JAKMIP1: variants seen among roughly 807,000 people sequenced by gnomAD.
The protein encoded by JAKMIP1 is janus kinase and microtubule-interacting protein 1.
Under a neutral mutation model 113.0 loss-of-function variants are expected in JAKMIP1, and 33 were observed. The observed-to-expected ratio is 0.29, with a 90% CI of 0.22 to 0.39. The LOEUF is 0.39. JAKMIP1 is among the 10% of genes least tolerant of loss of function. The pLI is 1.00. For missense variants in JAKMIP1, 813 were observed against 1,080.5 expected (o/e 0.75, Z 3.47); for synonymous variants, 480 against 459.9 (o/e 1.04, Z -0.56).
Position 6,142,926 on chromosome 4 carries a change from G to T in JAKMIP1, c.-147-29929C>A, listed in dbSNP as rs1038603599. ...CAGCCTGGAGTCCTGAGGCCCCTCA[G>T]TCCAGCACTGTGTGTGTGTGTGTTT... On this transcript the variant is annotated intron_variant, in intron 1 of 20. Transcript: ENST00000409021. The surrounding 1 kb of genome is among the most constrained non-coding windows in gnomAD (Gnocchi z 5.5). 6.6e-6 allele frequency among the ~76,000 whole-genome samples: 1 copy of T among 152,202 alleles called. No homozygotes were observed. Among genetic ancestry groups the T allele is most frequent in the Non-Finnish European group, 1.5e-5 (1 of 68,044 alleles).
At position 6,065,157 on chromosome 4, in the gene JAKMIP1, C is replaced by T. The variant is rs1037420394; in HGVS notation, c.1303-149G>A. 4.1e-6 allele frequency: 4 copies of T among 985,742 alleles called. No individual in the cohort carries two copies. The highest frequency in any genetic ancestry group is 1.6e-5 in the African/African-American group (1 of 63,046). The allele number at this position is 985,742 out of a possible 1,614,324, so 61.1% of individuals were successfully genotyped here. A position where few individuals can be genotyped will look rare whatever the true frequency, so the allele number is the denominator to read the frequency against. On this transcript the variant is annotated intron_variant, in intron 8 of 20. Coordinates refer to ENST00000409021, the MANE Select transcript of JAKMIP1 (RefSeq NM_001099433.2). The surrounding 1 kb of genome is among the most constrained non-coding windows in gnomAD (Gnocchi z 5.1). ...AAGATGCGGTTGGTGGGCTTCGTAA[C>T]TGACTGGGTGGGATAAAAGGTGGCA... is the stretch of plus-strand genomic sequence containing the variant.
In JAKMIP1 at chr4:6,035,937, C is replaced by G; in HGVS notation, c.2346G>C (p.Arg782=). 1 of 1,551,256 alleles carries G rather than the reference C, an allele frequency of 6.4e-7. No homozygotes were observed. Among genetic ancestry groups the G allele is most frequent in the Non-Finnish European group, 8.7e-7 (1 of 1,146,944 alleles). Residue 782 remains arginine, a synonymous_variant, in exon 19 of 21, where the codon CGG becomes CGC. Transcript: ENST00000409021. The part of the protein sequence containing the change: ...QSREFDSQIL[R]ERMELLQQAQ... ...CCTGCTGCAGCAGCTCCATGCGCTC[C>G]CGCAGGATCTGGCTGTCGAACTCGC...
chr4:6,074,270 T>A (rs1011095627), intron 8 of JAKMIP1, among the ~76,000 whole-genome samples: 5 of 152,226 alleles, frequency 3.3e-5, no homozygotes, highest in South Asian at 2.1e-4. Context: ...CCTGACTGCA[T>A]CTTCTGCAAG....
In JAKMIP1 at chr4:6,042,629, G is replaced by A. The variant is rs187610886; in HGVS notation, c.2029-402C>T. Among the ~76,000 whole-genome samples, 8 of 152,054 alleles carry A rather than the reference G, an allele frequency of 5.3e-5. No individual in the cohort carries two copies. Among genetic ancestry groups the A allele is most frequent in the East Asian group, 3.9e-4 (2 of 5,108 alleles). On this transcript the variant is annotated intron_variant, in intron 16 of 20. Transcript: ENST00000409021. The surrounding 1 kb of genome is among the most constrained non-coding windows in gnomAD (Gnocchi z 5.2). ...ACGACCACCCCAAGCAGTAGGCAGCGTCACCCCTATTTTGCAGGTAAAGAC... is the reference window on the plus strand; with the variant it reads ...ACGACCACCCCAAGCAGTAGGCAGCATCACCCCTATTTTGCAGGTAAAGAC...
At chr4:6,170,292 C>T (rs1373313916) in intron 1 of JAKMIP1, among the ~76,000 whole-genome samples, 7 of 145,046 alleles carry the variant, frequency 4.8e-5, no homozygotes, top group South Asian at 2.3e-4. Flanking sequence ...ACCACCATCA[C>T]TGTCAACACC....
intron 20 of JAKMIP1, among the ~76,000 whole-genome samples, chr4:6,028,080 AGGCAGAGGGGTGAATTCCGTGG>A (rs1712096267): frequency 6.6e-6 from 1 of 152,212 alleles, no homozygotes; most frequent in Non-Finnish European, 1.5e-5. Context: ...CCAAGGCCTG[AGGCAGAGGGGTGAATTCCGTGG>A]GGCAGAGGGG....
rs185774525 is a variant in JAKMIP1, at chr4:6,194,949, C to T, written c.-148+5304G>A. 7.9e-5 allele frequency among the ~76,000 whole-genome samples: 12 copies of T among 152,170 alleles called. No homozygotes were observed. The highest frequency in any genetic ancestry group is 5.8e-4 in the East Asian group (3 of 5,178). On this transcript the variant is annotated intron_variant, in intron 1 of 20. Coordinates refer to ENST00000409021, the MANE Select transcript of JAKMIP1 (RefSeq NM_001099433.2). The surrounding 1 kb of genome is among the most constrained non-coding windows in gnomAD (Gnocchi z 7.4). ...AACAGGCTGACCTAACACAAGTGGGCGGTGGTGCCCAACAAAGGGACCCGC... is the reference window on the plus strand; with the variant it reads ...AACAGGCTGACCTAACACAAGTGGGTGGTGGTGCCCAACAAAGGGACCCGC...
chr4:6,062,210 C>A, intron 10 of JAKMIP1, 102 bp downstream of exon 10: 1 of 1,265,518 alleles, frequency 7.9e-7, no homozygotes. Flanking sequence ...CTCTCAGAAT[C>A]CCCTCTGAGT....
intron 1 of JAKMIP1, 23 bp from the exon 2 acceptor site, chr4:6,113,020 G>A: frequency 9.4e-7 from 1 of 1,060,558 alleles, no homozygotes; most frequent in African/African-American, 1.6e-5. Context: ...GGGAAACTGA[G>A]TTAGCAGAGA....
chr4:6,103,101 T>C (rs145105773), intron 3 of JAKMIP1, among the ~76,000 whole-genome samples: 5 of 152,292 alleles, frequency 3.3e-5, no homozygotes, highest in Admixed American at 6.5e-5. Flanking sequence ...TGAACTTGGG[T>C]GGGAAATGTT....
rs1712354899 is a variant in JAKMIP1, at chr4:6,029,795, G to A, written c.2380-14C>T. On this transcript the variant is annotated splice_polypyrimidine_tract_variant and intron_variant, in intron 19 of 20. Coordinates refer to ENST00000409021, the MANE Select transcript of JAKMIP1 (RefSeq NM_001099433.2). ...TTCTCGGATTCTCTGAAATACACCA[G>A]GTTACGTGTCAGAAAAAGTAAGTTT... 1 of 1,581,680 alleles carries A rather than the reference G, an allele frequency of 6.3e-7. No individual in the cohort carries two copies. The highest frequency in any genetic ancestry group is 8.6e-7 in the Non-Finnish European group (1 of 1,157,334).
chr4:6,124,805 T>C (rs1391941457), intron 1 of JAKMIP1, among the ~76,000 whole-genome samples: 2 of 152,256 alleles, frequency 1.3e-5, no homozygotes, highest in African/African-American at 2.4e-5. Context: ...AGTACTTGGC[T>C]TGGGCCACAC....
Position 6,129,274 on chromosome 4 carries a change from A to G in JAKMIP1, c.-147-16277T>C, listed in dbSNP as rs569600864. 6.6e-6 allele frequency among the ~76,000 whole-genome samples: 1 copy of G among 152,310 alleles called. No individual in the cohort carries two copies. The highest frequency in any genetic ancestry group is 2.1e-4 in the South Asian group (1 of 4,812). On this transcript the variant is annotated intron_variant, in intron 1 of 20. Transcript: ENST00000409021. The surrounding 1 kb of genome is among the most constrained non-coding windows in gnomAD (Gnocchi z 5.4). Reference sequence around the variant, plus strand: ...GCAGAATCAAGTACAACTGGACAAGAGCTGGCACATGTGTGGTCAGATGCT... The same window carrying G: ...GCAGAATCAAGTACAACTGGACAAGGGCTGGCACATGTGTGGTCAGATGCT...
intron 1 of JAKMIP1, among the ~76,000 whole-genome samples, chr4:6,182,423 A>AAAAAAAAAG (rs1553864360): frequency 2.1e-5 from 3 of 140,164 alleles, no homozygotes; most frequent in East Asian, 2.1e-4. Flanking sequence ...AAAAAAAAAA[A>AAAAAAAAAG]AAAGAAAGAA....
rs1224251578 is a variant in JAKMIP1 at position 6,150,683 on chromosome 4, C to T, written c.-147-37686G>A. On this transcript the variant is annotated intron_variant, in intron 1 of 20. Coordinates refer to ENST00000409021, the MANE Select transcript of JAKMIP1 (RefSeq NM_001099433.2). The surrounding 1 kb of genome is among the most constrained non-coding windows in gnomAD (Gnocchi z 4.8). The stretch of plus-strand genomic sequence containing the variant: ...AAAACCCAACAGACTCCATCTGGGC[C>T]CCAGAAAACTGCCCTGATGCTACAG... Among the ~76,000 whole-genome samples, 1 of 152,130 alleles carries T rather than the reference C, an allele frequency of 6.6e-6. No individual in the cohort carries two copies. The highest frequency in any genetic ancestry group is 1.5e-5 in the Non-Finnish European group (1 of 68,030).
rs532971863 is a variant in JAKMIP1 at position 6,176,510 on chromosome 4, G to T, written c.-148+23743C>A. 2.6e-5 allele frequency among the ~76,000 whole-genome samples: 4 copies of T among 152,254 alleles called. No individual in the cohort carries two copies. Among genetic ancestry groups the T allele is most frequent in the Admixed American group, 2.6e-4 (4 of 15,296 alleles). On this transcript the variant is annotated intron_variant, in intron 1 of 20. Coordinates refer to ENST00000409021, the MANE Select transcript of JAKMIP1 (RefSeq NM_001099433.2). The surrounding 1 kb of genome is among the most constrained non-coding windows in gnomAD (Gnocchi z 5.5). ...CTCCTCAGTACTCCTACCACAGGAC[G>T]GTTGTTCTGTAGAAACAAGACGCAG... is the stretch of plus-strand genomic sequence containing the variant.
In JAKMIP1 at chr4:6,138,954, G is replaced by C. The variant is rs575213419; in HGVS notation, c.-147-25957C>G. On this transcript the variant is annotated intron_variant, in intron 1 of 20. Transcript: ENST00000409021. This position sits in a 1 kb window ranked among gnomAD's most constrained non-coding sequence, Gnocchi z 6.0. ...ATTCCTGGGCTTACTGAACTCTCAC[G>C]AGCCTTCATCTGGCTGGAATATGTC... 6.6e-6 allele frequency among the ~76,000 whole-genome samples: 1 copy of C among 152,096 alleles called. No individual in the cohort carries two copies. Among genetic ancestry groups the C allele is most frequent in the East Asian group, 1.9e-4 (1 of 5,188 alleles).
intron 19 of JAKMIP1, 122 bp downstream of exon 19, chr4:6,035,782 C>T: frequency 1.2e-6 from 1 of 846,296 alleles, no homozygotes; most frequent in Non-Finnish European, 1.8e-6. Context: ...TGGAAACTTG[C>T]TTTACCACCA....
rs1717691546 is a variant in JAKMIP1, at chr4:6,064,016, C to T, written c.1431+864G>A. 1.3e-5 allele frequency among the ~76,000 whole-genome samples: 2 copies of T among 152,222 alleles called. No homozygotes were observed. Among genetic ancestry groups the T allele is most frequent in the South Asian group, 4.1e-4 (2 of 4,836 alleles). On this transcript the variant is annotated intron_variant, in intron 9 of 20. Transcript: ENST00000409021. This position sits in a 1 kb window ranked among gnomAD's most constrained non-coding sequence, Gnocchi z 4.3. ...GGCCAGCTGCCCCGGCATATCCGCA[C>T]CCCCTTCCCACTCTTGCTCTTCCCT...
Sources: gnomAD v4.1 joint callset for allele counts (sites outside exome capture counted in the v4.1 genomes callset) on GRCh38, gnomAD v4.1.1 for gene constraint, Gnocchi (gnomAD v3.1) non-coding constraint, MANE v1.5 for transcripts, NCBI Gene and HGNC (gene_info 2026-07-23, HGNC 2026-07-21) for gene names.